Variants in ANO3 observed in about 807,000 individuals in gnomAD.
ANO3 encodes the protein anoctamin 3, also known as anoctamin-3.
In ANO3, 99 loss-of-function variants were observed where a neutral mutation model predicts 144.8. That is an observed-to-expected ratio of 0.68 (90% CI 0.58 to 0.81). ANO3 has a LOEUF of 0.81. Ranked by LOEUF, ANO3 falls within the 30% of genes least tolerant of loss-of-function variation. The pLI, the probability that ANO3 is intolerant of heterozygous loss-of-function variation, is 0.00. For synonymous variants in ANO3, 414 were observed against 392.6 expected (o/e 1.05, Z -0.64); for missense variants, 905 against 1,202.2 (o/e 0.75, Z 3.66).
At chr11:26,210,895 C>T (rs914759565) in intron 1 of ANO3, among the ~76,000 whole-genome samples, 7 of 151,738 alleles carry the variant, frequency 4.6e-5, no homozygotes, top group East Asian at 1.9e-4. Flanking sequence ...GAAACTCCCA[C>T]ATAATAATAG....
chr11:26,311,617 G>C (rs1280953574), intron 1 of ANO3, among the ~76,000 whole-genome samples: 1 of 152,198 alleles, frequency 6.6e-6, no homozygotes, highest in African/African-American at 2.4e-5. Flanking sequence ...TAAGTTGCTA[G>C]GCAGCTCTAA....
chr11:26,492,940 T>C (rs1005406314), intron 4 of ANO3, among the ~76,000 whole-genome samples: 1 of 152,200 alleles, frequency 6.6e-6, no homozygotes, highest in African/African-American at 2.4e-5. Context: ...TTACTAATAC[T>C]AGGCTGCACT....
chr11:26,496,594 T>C (rs569034928), intron 4 of ANO3, among the ~76,000 whole-genome samples: 1 of 152,306 alleles, frequency 6.6e-6, no homozygotes, highest in Admixed American at 6.5e-5. Context: ...TGATATATTA[T>C]GTAGTAGTGA....
chr11:26,463,639 A>G (rs761340362), intron 4 of ANO3, among the ~76,000 whole-genome samples: 4 of 151,932 alleles, frequency 2.6e-5, no homozygotes, highest in Non-Finnish European at 4.4e-5. Context: ...GTGCATAGCA[A>G]AAGATTGAGA....
intron 1 of ANO3, among the ~76,000 whole-genome samples, chr11:26,244,256 G>T (rs1372962551): frequency 6.6e-6 from 1 of 152,044 alleles, no homozygotes; most frequent in East Asian, 1.9e-4. Flanking sequence ...TAAAAATATA[G>T]ATAACAGATT....
chr11:26,282,638 C>T (rs11029468), intron 1 of ANO3, among the ~76,000 whole-genome samples: 9,145 of 152,084 alleles, frequency 0.06, 504 homozygotes, highest in African/African-American at 0.15. Flanking sequence ...AAAAGCTCAT[C>T]TACATGACTA....
intron 24 of ANO3, among the ~76,000 whole-genome samples, chr11:26,655,149 A>C (rs1235247300): frequency 6.6e-6 from 1 of 152,088 alleles, no homozygotes; most frequent in African/African-American, 2.4e-5. Flanking sequence ...TCCCACCCCC[A>C]GCTTTCCAGG....
At chr11:26,391,531 T>C (rs1336858078) in intron 1 of ANO3, among the ~76,000 whole-genome samples, 2 of 152,140 alleles carry the variant, frequency 1.3e-5, no homozygotes, top group Non-Finnish European at 2.9e-5. Flanking sequence ...GGGCATATTT[T>C]ACTTCACTAT....
At chr11:26,343,924 A>G (rs968641304) in intron 1 of ANO3, among the ~76,000 whole-genome samples, 5 of 152,218 alleles carry the variant, frequency 3.3e-5, no homozygotes, top group Non-Finnish European at 7.3e-5. Flanking sequence ...AATCATCTTA[A>G]CACATTCTAA....
chr11:26,452,881 T>C (rs1448505440), intron 3 of ANO3, among the ~76,000 whole-genome samples: 1 of 152,206 alleles, frequency 6.6e-6, no homozygotes, highest in Non-Finnish European at 1.5e-5. Flanking sequence ...AGCAGATCTC[T>C]CGGCAGAAAC....
At chr11:26,357,554 T>C (rs1013528963) in intron 1 of ANO3, among the ~76,000 whole-genome samples, 1 of 152,046 alleles carries the variant, frequency 6.6e-6, no homozygotes, top group Non-Finnish European at 1.5e-5. Flanking sequence ...GTCATCAGTG[T>C]TGAGTTTTGA....
chr11:26,253,372 G>A (rs1487754436), intron 1 of ANO3, among the ~76,000 whole-genome samples: 5 of 152,070 alleles, frequency 3.3e-5, no homozygotes, highest in Admixed American at 3.3e-4. Flanking sequence ...TGGACACATA[G>A]AGAAAAACAA....
chr11:26,296,758 G>A (rs1378325922), intron 1 of ANO3, among the ~76,000 whole-genome samples: 2 of 152,070 alleles, frequency 1.3e-5, no homozygotes, highest in African/African-American at 4.8e-5. Flanking sequence ...AGCCAGTAGG[G>A]CCTTAACAAT....
At chr11:26,441,866 A>G in intron 1 of ANO3, 52 bp from the exon 2 acceptor site, 1 of 1,388,278 alleles carries the variant, frequency 7.2e-7, no homozygotes, top group Non-Finnish European at 1.0e-6. Flanking sequence ...CTTTTTATTG[A>G]CCTCTACTGA....
intron 1 of ANO3, among the ~76,000 whole-genome samples, chr11:26,376,171 G>T (rs531527422): frequency 1.3e-5 from 2 of 152,180 alleles, no homozygotes; most frequent in African/African-American, 2.4e-5. Flanking sequence ...ATCATTGTAC[G>T]TGGGTGAAAA....
chr11:26,437,735 A>C (rs1234015690), intron 1 of ANO3, among the ~76,000 whole-genome samples: 1 of 152,120 alleles, frequency 6.6e-6, no homozygotes, highest in Non-Finnish European at 1.5e-5. Context: ...TCCCATGTTT[A>C]TGTTCATGTA....
upstream of ANO3, among the ~76,000 whole-genome samples, chr11:26,304,797 T>C (rs2133865644): frequency 6.6e-6 from 1 of 152,288 alleles, no homozygotes; most frequent in South Asian, 2.1e-4. Flanking sequence ...TTTCTGGCTT[T>C]GTGCATGTAT....
intron 14 of ANO3, among the ~76,000 whole-genome samples, chr11:26,581,688 C>CA (rs10612768): frequency 6.0e-4 from 51 of 84,686 alleles, no homozygotes; most frequent in Middle Eastern, 6.0e-3. Context: ...GACTCTGTCT[C>CA]AAAAAAAAAA....
At chr11:26,258,016 G>A (rs181512375) in intron 1 of ANO3, among the ~76,000 whole-genome samples, 26 of 152,088 alleles carry the variant, frequency 1.7e-4, no homozygotes, top group Non-Finnish European at 2.8e-4. Flanking sequence ...GGGCACAGAC[G>A]GATATAACAT....
Sources: gnomAD v4.1 joint callset for allele counts (sites outside exome capture counted in the v4.1 genomes callset) on GRCh38, gnomAD v4.1.1 for gene constraint, MANE v1.5 for transcripts, NCBI Gene and HGNC (gene_info 2026-07-23, HGNC 2026-07-21) for gene names.